The following EVC2 variants were observed in gnomAD, a reference collection of about 807,000 sequenced individuals.
EVC2 encodes the protein EvC ciliary complex subunit 2.
EVC2 carries 148 observed loss-of-function variants against 149.3 expected under a neutral mutation model. The ratio of observed to expected loss-of-function variants is 0.99; its 90% CI spans 0.87 to 1.14. The LOEUF (loss-of-function observed/expected upper bound fraction) is 1.14. Among genes scored for constraint, EVC2 ranks in the 50% most tolerant of loss-of-function variants. EVC2 has a pLI of 0.00. For missense variants in EVC2, 1,854 were observed against 1,627.3 expected (o/e 1.14, Z -2.40); for synonymous variants, 776 against 649.9 (o/e 1.19, Z -2.95).
chr4:5,669,872 G>C (rs1577231450), intron 7 of EVC2, among the ~76,000 whole-genome samples: 1 of 152,182 alleles, frequency 6.6e-6, no homozygotes, highest in East Asian at 1.9e-4. Flanking sequence ...CCTGGACCTA[G>C]GAAGAGGGAA....
intron 21 of EVC2, among the ~76,000 whole-genome samples, chr4:5,551,650 T>C (rs999498691): frequency 3.3e-5 from 5 of 152,146 alleles, no homozygotes; most frequent in Non-Finnish European, 5.9e-5. Flanking sequence ...GAAGGCATGA[T>C]TGATTTTGAA....
intron 10 of EVC2, among the ~76,000 whole-genome samples, chr4:5,635,317 C>A (rs1447363943): frequency 6.6e-6 from 1 of 152,004 alleles, no homozygotes; most frequent in Non-Finnish European, 1.5e-5. Context: ...GATTACCACA[C>A]CTGGCCACAA....
At chr4:5,641,787 T>C (rs1427166413) in intron 9 of EVC2, among the ~76,000 whole-genome samples, 6 of 152,240 alleles carry the variant, frequency 3.9e-5, no homozygotes, top group Non-Finnish European at 5.9e-5. Context: ...TTATTTTTTA[T>C]TTTACCTTAA....
chr4:5,637,953 A>C lies in EVC2; in HGVS notation c.1470+2561T>G, dbSNP rs1007641690. Among the ~76,000 whole-genome samples, 1 of 152,252 alleles carries C rather than the reference A, an allele frequency of 6.6e-6. No homozygotes were observed. The highest frequency in any genetic ancestry group is 2.4e-5 in the African/African-American group (1 of 41,542). On this transcript the variant is annotated intron_variant, in intron 10 of 21. Transcript: ENST00000344408. The surrounding 1 kb of genome is among the most constrained non-coding windows in gnomAD (Gnocchi z 4.4). The stretch of plus-strand genomic sequence containing the variant: ...GTGTATTTGATTTTTAAAACTCTTT[A>C]AAAATGTAAAAAAACATTCTCAACT...
At position 5,569,835 on chromosome 4, in the gene EVC2, T is replaced by C. The variant is rs556440164; in HGVS notation, c.3361-1195A>G. Reference sequence around the variant, plus strand: ...TCAGTGAAGGCACGAGGAAAGGTGCTGTTCCAAATACCAAAGCTCCTTCCA... The same window carrying C: ...TCAGTGAAGGCACGAGGAAAGGTGCCGTTCCAAATACCAAAGCTCCTTCCA... On this transcript the variant is annotated intron_variant, in intron 19 of 21. Coordinates refer to ENST00000344408, the MANE Select transcript of EVC2 (RefSeq NM_147127.5). The surrounding 1 kb of genome is among the most constrained non-coding windows in gnomAD (Gnocchi z 4.8). 1.9e-4 allele frequency among the ~76,000 whole-genome samples: 29 copies of C among 152,210 alleles called. No homozygotes were observed. The highest frequency in any genetic ancestry group is 6.7e-4 in the African/African-American group (28 of 41,540).
chr4:5,624,972 T>C (rs1715997999), intron 13 of EVC2, among the ~76,000 whole-genome samples: 1 of 152,154 alleles, frequency 6.6e-6, no homozygotes, highest in African/African-American at 2.4e-5. Flanking sequence ...TGTGTCAGTT[T>C]AGGCCTGCAT....
At chr4:5,653,392 A>G (rs1053612295) in intron 9 of EVC2, among the ~76,000 whole-genome samples, 18 of 152,222 alleles carry the variant, frequency 1.2e-4, no homozygotes, top group African/African-American at 3.9e-4. Context: ...ACCAGAGACT[A>G]TTCCTGCTCT....
intron 21 of EVC2, 42 bp from the exon 22 acceptor site, chr4:5,563,157 T>A (rs766766444): frequency 6.3e-7 from 1 of 1,591,338 alleles, no homozygotes. Context: ...TTTTTGGCAA[T>A]GAACCCTCTG....
chr4:5,700,664 A>G (rs1721766917), intron 1 of EVC2, among the ~76,000 whole-genome samples: 1 of 152,092 alleles, frequency 6.6e-6, no homozygotes, highest in South Asian at 2.1e-4. Flanking sequence ...TCCTCACCAA[A>G]GTCCCCAGCC....
chr4:5,575,050 C>G (rs145703131), intron 18 of EVC2, among the ~76,000 whole-genome samples: 9 of 152,280 alleles, frequency 5.9e-5, no homozygotes, highest in Non-Finnish European at 1.3e-4. Context: ...ACAGGGTGAT[C>G]TCTGTGATGC....
At chr4:5,535,631 G>GAGAGAGAGAGAGAGAGAGAGAC in the EVC2 span, among the ~76,000 whole-genome samples, 25 of 150,684 alleles carry the variant, frequency 1.7e-4, no homozygotes, top group Non-Finnish European at 2.4e-4. This position sits in a 1 kb window ranked among gnomAD's most constrained non-coding sequence, Gnocchi z 4.7. Flanking sequence ...GAGAGAGAGA[G>GAGAGAGAGAGAGAGAGAGAGAC]AGAAAGAGAT....
intron 18 of EVC2, among the ~76,000 whole-genome samples, chr4:5,575,452 G>A (rs4689260): frequency 0.29 from 44,604 of 152,092 alleles, 8,002 homozygotes; most frequent in East Asian, 0.86. Flanking sequence ...CAATTATTTC[G>A]ATGGGACAGA....
intron 17 of EVC2, among the ~76,000 whole-genome samples, chr4:5,581,758 C>T (rs571154659): frequency 3.3e-5 from 5 of 151,022 alleles, no homozygotes; most frequent in Non-Finnish European, 5.9e-5. Flanking sequence ...TCACGGCAGC[C>T]CTTTAATCAC....
At position 5,670,635 on chromosome 4, in the gene EVC2, C is replaced by G. The variant is rs889547758; in HGVS notation, c.871-4986G>C. Among the ~76,000 whole-genome samples, 44 of 151,968 alleles carry G rather than the reference C, an allele frequency of 2.9e-4. No homozygotes were observed. Among genetic ancestry groups the G allele is most frequent in the Non-Finnish European group, 5.3e-4 (36 of 68,018 alleles). Reference sequence around the variant, plus strand: ...TCATCTTCACCATCACCATCACTACCATCATTGTCAACATTATCAATATGC... The same window carrying G: ...TCATCTTCACCATCACCATCACTACGATCATTGTCAACATTATCAATATGC... On this transcript the variant is annotated intron_variant, in intron 7 of 21. Transcript: ENST00000344408. The surrounding 1 kb of genome is among the most constrained non-coding windows in gnomAD (Gnocchi z 5.2).
At chr4:5,530,354 C>T in the EVC2 span, among the ~76,000 whole-genome samples, 3 of 152,144 alleles carry the variant, frequency 2.0e-5, no homozygotes, top group Admixed American at 1.3e-4. Context: ...AACCTTTCCA[C>T]GAAATTGCGT....
chr4:5,598,816 C>T (rs1197405568), intron 16 of EVC2, among the ~76,000 whole-genome samples: 3 of 152,138 alleles, frequency 2.0e-5, no homozygotes, highest in African/African-American at 7.2e-5. Context: ...TTGCAACCTA[C>T]TCATCAGACA....
At chr4:5,605,741 C>T (rs1714340475) in intron 16 of EVC2, among the ~76,000 whole-genome samples, 1 of 152,148 alleles carries the variant, frequency 6.6e-6, no homozygotes, top group African/African-American at 2.4e-5. Flanking sequence ...ACAAACTTGC[C>T]CCAAGCTGAG....
At chr4:5,681,401 G>T in intron 6 of EVC2, 88 bp from the exon 7 acceptor site, 1 of 1,360,630 alleles carries the variant, frequency 7.3e-7, no homozygotes, top group Non-Finnish European at 1.0e-6. Context: ...AACCCTCCAA[G>T]CCTGGAGCTA....
At chr4:5,603,473 T>A (rs940261908) in intron 16 of EVC2, among the ~76,000 whole-genome samples, 14 of 152,224 alleles carry the variant, frequency 9.2e-5, no homozygotes, top group African/African-American at 2.9e-4. Context: ...GGTTCTCTCT[T>A]GTCAGGTCAC....
Sources: allele counts gnomAD v4.1 joint callset (sites outside exome capture counted in the v4.1 genomes callset), GRCh38; gene constraint gnomAD v4.1.1; non-coding constraint Gnocchi (gnomAD v3.1); transcripts MANE v1.5; gene names NCBI Gene and HGNC (gene_info 2026-07-23, HGNC 2026-07-21).